The following PRELID2 variants were observed in gnomAD, a reference collection of about 807,000 sequenced individuals.
PRELID2 encodes PRELI domain-containing protein 2.
A neutral mutation model predicts 28.4 loss-of-function variants in PRELID2; 25 were observed. The observed-to-expected ratio is 0.88, with a 90% CI of 0.64 to 1.23. The LOEUF (loss-of-function observed/expected upper bound fraction) is 1.23. Among genes scored for constraint, PRELID2 ranks in the 50% most tolerant of loss-of-function variants. PRELID2 has a pLI of 0.00. For missense variants in PRELID2, 201 were observed against 214.4 expected, an observed-to-expected ratio of 0.94 and a Z score of 0.39; for synonymous variants, 76 against 71.6, an observed-to-expected ratio of 1.06 and a Z score of -0.31.
At chr5:145,511,983 T>C (rs945091838) in intron 1 of PRELID2, among the ~76,000 whole-genome samples, 1 of 151,996 alleles carries the variant, frequency 6.6e-6, no homozygotes, top group African/African-American at 2.4e-5. Context: ...AAGAGATATT[T>C]TGTGGTAAAA....
the PRELID2 span, among the ~76,000 whole-genome samples, chr5:145,337,056 T>C: frequency 6.6e-6 from 1 of 151,482 alleles, no homozygotes; most frequent in East Asian, 2.0e-4. Context: ...TGCACATGTA[T>C]ACATATGTAA....
chr5:145,425,770 C>T, the PRELID2 span, among the ~76,000 whole-genome samples: 22 of 151,904 alleles, frequency 1.4e-4, no homozygotes, highest in South Asian at 1.9e-3. Flanking sequence ...TGTTCTGGGG[C>T]GGGAATGACG....
chr5:145,739,694 A>G (rs558474629), intron 1 of PRELID2, among the ~76,000 whole-genome samples: 1 of 152,260 alleles, frequency 6.6e-6, no homozygotes, highest in African/African-American at 2.4e-5. Flanking sequence ...AATTGATTAT[A>G]AACAGGAGAG....
At chr5:145,441,629 A>T in the PRELID2 span, among the ~76,000 whole-genome samples, 1 of 152,128 alleles carries the variant, frequency 6.6e-6, no homozygotes, top group Non-Finnish European at 1.5e-5. Flanking sequence ...AACTTAATGG[A>T]TATGGGCTGA....
the PRELID2 span, chr5:145,229,495 A>G: frequency 1.8e-6 from 2 of 1,138,694 alleles, no homozygotes; most frequent in South Asian, 2.5e-5. Context: ...TCAAGATCCA[A>G]TTCAAAAAAG....
At chr5:145,685,495 G>A (rs1755018955) in intron 1 of PRELID2, among the ~76,000 whole-genome samples, 1 of 152,068 alleles carries the variant, frequency 6.6e-6, no homozygotes, top group Non-Finnish European at 1.5e-5. Context: ...AGAATTTAGA[G>A]GACAAACCTA....
intron 1 of PRELID2, among the ~76,000 whole-genome samples, chr5:145,564,020 T>C (rs748327961): frequency 2.6e-5 from 4 of 152,210 alleles, no homozygotes; most frequent in African/African-American, 4.8e-5. Context: ...CAAAACATCA[T>C]GTTGTGCAAG....
chr5:145,582,315 C>T (rs569462607), intron 1 of PRELID2, among the ~76,000 whole-genome samples: 16 of 152,020 alleles, frequency 1.1e-4, no homozygotes, highest in South Asian at 4.1e-4. Context: ...TCATGGCAGA[C>T]GGTAAAGGAA....
intron 1 of PRELID2, among the ~76,000 whole-genome samples, chr5:145,611,549 C>T (rs1457300106): frequency 2.6e-5 from 4 of 152,078 alleles, no homozygotes; most frequent in Non-Finnish European, 4.4e-5. Flanking sequence ...ATAATAGCTA[C>T]AAAATTACCA....
intron 1 of PRELID2, among the ~76,000 whole-genome samples, chr5:145,670,324 G>T (rs954933549): frequency 2.0e-5 from 3 of 151,992 alleles, no homozygotes; most frequent in Admixed American, 6.6e-5. Context: ...CAAAGAGTGA[G>T]AACTCACCCA....
At chr5:145,641,313 T>G (rs1754102795) in intron 1 of PRELID2, among the ~76,000 whole-genome samples, 1 of 151,232 alleles carries the variant, frequency 6.6e-6, no homozygotes. Flanking sequence ...AAGAGAGAAA[T>G]AGGTAAAAGA....
At chr5:145,562,825 A>G (rs754247018) in intron 1 of PRELID2, among the ~76,000 whole-genome samples, 3 of 152,240 alleles carry the variant, frequency 2.0e-5, no homozygotes, top group Non-Finnish European at 4.4e-5. Flanking sequence ...TATACCATAA[A>G]TTTAAACAAA....
intron 1 of PRELID2, among the ~76,000 whole-genome samples, chr5:145,625,236 A>T (rs1189453622): frequency 2.0e-5 from 3 of 152,168 alleles, no homozygotes; most frequent in Non-Finnish European, 2.9e-5. Context: ...TCATACATAC[A>T]GAATCTCTTG....
chr5:145,507,674 C>T (rs766572010), intron 1 of PRELID2, among the ~76,000 whole-genome samples: 21 of 152,060 alleles, frequency 1.4e-4, no homozygotes, highest in Non-Finnish European at 2.5e-4. Context: ...TTTTGGTGGC[C>T]TTTTTCACTG....
the PRELID2 span, among the ~76,000 whole-genome samples, chr5:145,291,914 T>A: frequency 2.1e-4 from 32 of 152,348 alleles, no homozygotes; most frequent in South Asian, 4.3e-3. Context: ...TTTGTGCCTT[T>A]GTTAAAAGTA....
chr5:145,258,573 G>T, the PRELID2 span, among the ~76,000 whole-genome samples: 1 of 152,054 alleles, frequency 6.6e-6, no homozygotes, highest in Admixed American at 6.6e-5. Flanking sequence ...CATAATTTAG[G>T]GTATCTGTAG....
intron 1 of PRELID2, among the ~76,000 whole-genome samples, chr5:145,587,492 GTCA>G (rs1159995453): frequency 6.6e-6 from 1 of 152,132 alleles, no homozygotes; most frequent in Non-Finnish European, 1.5e-5. Context: ...TGAAAACAGA[GTCA>G]TAAAATTCAG....
chr5:145,482,460 T>C (rs893209030), intron 1 of PRELID2, among the ~76,000 whole-genome samples: 1 of 152,148 alleles, frequency 6.6e-6, no homozygotes, highest in Non-Finnish European at 1.5e-5. Flanking sequence ...ATACATGATA[T>C]AATAATAACA....
chr5:145,344,378 A>T, the PRELID2 span, among the ~76,000 whole-genome samples: 17 of 152,084 alleles, frequency 1.1e-4, no homozygotes, highest in Non-Finnish European at 1.5e-4. Context: ...GATACATCTC[A>T]TCAACAGAAT....
Sources: gnomAD v4.1 joint callset for allele counts (sites outside exome capture counted in the v4.1 genomes callset) on GRCh38, gnomAD v4.1.1 for gene constraint, MANE v1.5 for transcripts, NCBI Gene and HGNC (gene_info 2026-07-23, HGNC 2026-07-21) for gene names.